The following GPAM variants were observed in gnomAD, a reference collection of about 807,000 sequenced individuals.
The protein encoded by GPAM is glycerol-3-phosphate acyltransferase, mitochondrial.
A neutral mutation model predicts 105.0 loss-of-function variants in GPAM; 56 were observed. The ratio of observed to expected loss-of-function variants is 0.53; its 90% confidence interval spans 0.43 to 0.67. The LOEUF is 0.67. Ranked by LOEUF, GPAM falls within the 30% of genes least tolerant of loss-of-function variation. The pLI, the probability that GPAM is intolerant of heterozygous loss-of-function variation, is 0.00. For synonymous variants in GPAM, 368 were observed against 354.4 expected, an observed-to-expected ratio of 1.04 and a Z score of -0.43; for missense variants, 855 against 989.8, an observed-to-expected ratio of 0.86 and a Z score of 1.83.
intron 10 of GPAM, 36 bp from the exon 11 acceptor site, chr10:112,168,560 G>A (rs1220674089): frequency 1.5e-6 from 2 of 1,347,312 alleles, no homozygotes; most frequent in Non-Finnish European, 2.1e-6. Flanking sequence ...ATACATTCAA[G>A]ACCACTCAAC....
chr10:112,176,067 A>G (rs1267713527), intron 5 of GPAM, among the ~76,000 whole-genome samples: 1 of 152,244 alleles, frequency 6.6e-6, no homozygotes, highest in African/African-American at 2.4e-5. Flanking sequence ...ATTCTGATAA[A>G]CCATACAGCT....
chr10:112,198,612 G>A (rs1250741266), intron 1 of GPAM, among the ~76,000 whole-genome samples: 2 of 152,256 alleles, frequency 1.3e-5, no homozygotes, highest in East Asian at 3.9e-4. Context: ...AACAGTATGG[G>A]GTGGTTCCTC....
Position 112,160,886 on chromosome 10 carries a change from C to A in GPAM, c.1495-18G>T, listed in dbSNP as rs764902377. The stretch of plus-strand genomic sequence containing the variant: ...TCAATTCCCTAAAGAAAGATGGAAA[C>A]GGTATCATGATGGTGGAAAACCTAC... On this transcript the variant is annotated intron_variant, in intron 15 of 21. Coordinates refer to ENST00000348367, the MANE Select transcript of GPAM (RefSeq NM_001244949.2). The A allele has an allele frequency of 6.2e-7, 1 of 1,609,484 alleles. No homozygotes were observed. Among genetic ancestry groups the A allele is most frequent in the Non-Finnish European group, 8.5e-7 (1 of 1,176,880 alleles).
chr10:112,175,787 C>G, intron 5 of GPAM, 74 bp from the exon 6 acceptor site: 1 of 931,262 alleles, frequency 1.1e-6, no homozygotes, highest in South Asian at 1.3e-5. Flanking sequence ...AACTAATTTT[C>G]CGCCCATAAA....
the GPAM span, among the ~76,000 whole-genome samples, chr10:112,220,835 C>T: frequency 5.4e-5 from 8 of 147,586 alleles, no homozygotes; most frequent in African/African-American, 2.1e-4. Context: ...ATCTGCACTG[C>T]CAAGGACAGA....
chr10:112,194,534 T>G (rs1200072462), intron 1 of GPAM, among the ~76,000 whole-genome samples: 3 of 152,222 alleles, frequency 2.0e-5, no homozygotes, highest in Non-Finnish European at 4.4e-5. Flanking sequence ...CTGTCCAAGA[T>G]GGTTTGTGGA....
At position 112,151,330 on chromosome 10, in the gene GPAM, T is replaced by C. The variant is rs934389802; in HGVS notation, c.*2220A>G. 1 of 985,846 alleles carries C rather than the reference T, an allele frequency of 1.0e-6. No homozygotes were observed. The highest frequency in any genetic ancestry group is 1.2e-6 in the Non-Finnish European group (1 of 829,892). The allele number at this position is 985,846 out of a possible 1,614,324, so 61.1% of individuals were successfully genotyped here. A position where few individuals can be genotyped will look rare whatever the true frequency, so the allele number is the denominator to read the frequency against. ...CATTGTGAAGATGCTTTCGTTTTTTTGTTTTTTGTTTTCAGTCATGAGGCA... is the reference window on the plus strand; with the variant it reads ...CATTGTGAAGATGCTTTCGTTTTTTCGTTTTTTGTTTTCAGTCATGAGGCA... On this transcript the variant is annotated 3_prime_UTR_variant, in exon 22 of 22. Transcript: ENST00000348367.
chr10:112,175,429 T>C (rs921913449), intron 6 of GPAM, among the ~76,000 whole-genome samples, 171 bp downstream of exon 6: 1 of 152,202 alleles, frequency 6.6e-6, no homozygotes, highest in Non-Finnish European at 1.5e-5. Flanking sequence ...GCACCTGTTC[T>C]CCTGCCTTTC....
chr10:112,207,915 G>C (rs1847869384), intron 1 of GPAM, among the ~76,000 whole-genome samples: 2 of 152,180 alleles, frequency 1.3e-5, no homozygotes, highest in South Asian at 4.1e-4. Context: ...TAAGCATTGA[G>C]GTCCTAGCAT....
chr10:112,183,483 G>A (rs1412770588), intron 1 of GPAM, among the ~76,000 whole-genome samples: 1 of 152,212 alleles, frequency 6.6e-6, no homozygotes, highest in African/African-American at 2.4e-5. Context: ...ATGCCCCAGC[G>A]CAGTCTCCCC....
chr10:112,211,935 G>C (rs1054506963), intron 1 of GPAM, among the ~76,000 whole-genome samples: 4 of 152,202 alleles, frequency 2.6e-5, no homozygotes, highest in African/African-American at 9.6e-5. Context: ...CCTTGGTTTA[G>C]ACTTTTTCAA....
chr10:112,163,237 T>C (rs962896259), intron 14 of GPAM, among the ~76,000 whole-genome samples: 16 of 152,328 alleles, frequency 1.1e-4, no homozygotes, highest in South Asian at 8.3e-4. Context: ...CATAAGCTCA[T>C]TGAGTTCAGA....
chr10:112,209,231 G>GTCCT (rs1847884177), intron 1 of GPAM, among the ~76,000 whole-genome samples: 1 of 152,150 alleles, frequency 6.6e-6, no homozygotes, highest in African/African-American at 2.4e-5. Flanking sequence ...TTAGACATGG[G>GTCCT]GCAGGAATGA....
chr10:112,160,601 T>C lies in GPAM; in HGVS notation c.1759+3A>G, dbSNP rs368687749. The C allele has an allele frequency of 1.2e-6, 2 of 1,611,330 alleles. No individual in the cohort carries two copies. Among genetic ancestry groups the C allele is most frequent in the African/African-American group, 1.3e-5 (1 of 74,872 alleles). On this transcript the variant is annotated splice_donor_region_variant and intron_variant, in intron 16 of 21. Coordinates refer to ENST00000348367, the MANE Select transcript of GPAM (RefSeq NM_001244949.2). The stretch of plus-strand genomic sequence containing the variant: ...ACTGAAAATATTTCAAGGTCTGACA[T>C]ACCTATGATGGCCTCCATGATAAAG...
At chr10:112,194,179 T>G (rs1221489077) in intron 1 of GPAM, among the ~76,000 whole-genome samples, 1 of 151,868 alleles carries the variant, frequency 6.6e-6, no homozygotes, top group Non-Finnish European at 1.5e-5. Context: ...GAAAAGAGAG[T>G]GTAGTAAGCT....
At chr10:112,188,489 T>C (rs181431654), upstream of GPAM, among the ~76,000 whole-genome samples, 261 of 152,262 alleles carry the variant, frequency 1.7e-3, no homozygotes, top group Non-Finnish European at 1.5e-3. Context: ...AAAAAGCTGG[T>C]CCCACCCATT....
intron 5 of GPAM, 35 bp from the exon 6 acceptor site, chr10:112,175,748 T>C (rs1442990440): frequency 1.6e-6 from 2 of 1,282,804 alleles, no homozygotes; most frequent in Non-Finnish European, 2.3e-6. Context: ...GTATTAGAGG[T>C]ACCCCTAAAA....
In GPAM at chr10:112,160,619, T is replaced by G; in HGVS notation, c.1744A>C (p.Met582Leu). The change falls in exon 16 of 22, where the codon ATG (methionine) becomes CTG (leucine). Residue 582 changes from methionine (M) to leucine (L), a missense_variant. Met to Leu is a conservative substitution (Grantham distance 15). Coordinates refer to ENST00000348367, the MANE Select transcript of GPAM (RefSeq NM_001244949.2). Reference protein sequence around the residue: ...YSNGVLHVFIMEAIIACSLYA... With the variant: ...YSNGVLHVFILEAIIACSLYA... ...TCTGACATACCTATGATGGCCTCCA[T>G]GATAAAGACATGAAGTACCCCATTG... The G allele has an allele frequency of 6.2e-7, 1 of 1,613,368 alleles. No homozygotes were observed. Among genetic ancestry groups the G allele is most frequent in the Non-Finnish European group, 8.5e-7 (1 of 1,179,324 alleles).
intron 15 of GPAM, 88 bp downstream of exon 15, chr10:112,161,579 G>A: frequency 2.8e-6 from 3 of 1,062,566 alleles, no homozygotes; most frequent in East Asian, 2.4e-5. Flanking sequence ...CCATGAGTGG[G>A]CCAAATCTGC....
Sources: gnomAD v4.1 joint callset for allele counts (sites outside exome capture counted in the v4.1 genomes callset) on GRCh38, gnomAD v4.1.1 for gene constraint, MANE v1.5 for transcripts, NCBI Gene and HGNC (gene_info 2026-07-23, HGNC 2026-07-21) for gene names.